The following TPD52L2 variants were observed in gnomAD, a reference collection of about 807,000 sequenced individuals.
TPD52L2 encodes tumor protein D54.
In TPD52L2, 19 loss-of-function variants were observed where a neutral mutation model predicts 24.7. The ratio of observed to expected loss-of-function variants is 0.77; its 90% confidence interval spans 0.54 to 1.13. The LOEUF is 1.13. Among genes scored for constraint, TPD52L2 ranks in the 50% most tolerant of loss-of-function variants. The pLI is 0.00. For missense variants in TPD52L2, 236 were observed against 250.4 expected (o/e 0.94, Z 0.39); for synonymous variants, 104 against 100.2 (o/e 1.04, Z -0.23).
intron 1 of TPD52L2, among the ~76,000 whole-genome samples, chr20:63,866,139 T>C (rs2052221079): frequency 6.6e-6 from 1 of 152,232 alleles, no homozygotes; most frequent in Admixed American, 6.5e-5. Flanking sequence ...GGAGTCTTGC[T>C]CTGACGCCAG....
In TPD52L2 at chr20:63,865,365, C is replaced by A. The variant is rs1005878261; in HGVS notation, c.-1C>A. The stretch of plus-strand genomic sequence containing the variant: ...GACAGCGGTCCGGACGCCGCCCGAA[C>A]ATGGACTCCGCCGGCCAAGGTACCT... On this transcript the variant is annotated 5_prime_UTR_variant, in exon 1 of 7. Coordinates refer to ENST00000346249, the MANE Select transcript of TPD52L2 (RefSeq NM_003288.4). 2.6e-6 allele frequency: 4 copies of A among 1,529,840 alleles called. No homozygotes were observed. The highest frequency in any genetic ancestry group is 2.0e-5 in the Admixed American group (1 of 50,330). The allele number at this position is 1,529,840 out of a possible 1,614,324, so 94.8% of individuals were successfully genotyped here.
chr20:63,888,815 T>C (rs2053226258), intron 5 of TPD52L2: 1 of 279,708 alleles, frequency 3.6e-6, no homozygotes, highest in East Asian at 6.8e-5. Context: ...GGGGTGTCCC[T>C]GTAGGGGACA....
chr20:63,873,578 G>A, intron 2 of TPD52L2, 90 bp from the exon 3 acceptor site: 1 of 1,445,476 alleles, frequency 6.9e-7, no homozygotes, highest in Non-Finnish European at 9.3e-7. Flanking sequence ...TAAGCGGAAA[G>A]TTCTTGTGTA....
intron 5 of TPD52L2, among the ~76,000 whole-genome samples, chr20:63,883,459 T>TAC: frequency 6.6e-6 from 1 of 152,320 alleles, no homozygotes. Context: ...AGCCTGGGTA[T>TAC]GATGCTTGGC....
intron 1 of TPD52L2, among the ~76,000 whole-genome samples, chr20:63,866,738 C>A (rs1236507586): frequency 6.9e-6 from 1 of 144,932 alleles, no homozygotes; most frequent in Admixed American, 6.9e-5. Flanking sequence ...GGATTACAGG[C>A]GTGAGCCACC....
chr20:63,886,728 T>C (rs557108631), intron 5 of TPD52L2, among the ~76,000 whole-genome samples: 2 of 150,836 alleles, frequency 1.3e-5, no homozygotes, highest in Admixed American at 6.6e-5. Flanking sequence ...CACTGCAACC[T>C]CCAGCTCCCT....
In TPD52L2 at chr20:63,887,717, C is replaced by T. The variant is rs186832187; in HGVS notation, c.477-1473C>T. 4.4e-6 allele frequency: 5 copies of T among 1,128,576 alleles called. No individual in the cohort carries two copies. The African/African-American group carries it at 4.6e-5, about 10-fold the overall frequency. 69.9% of individuals were successfully genotyped at this position (1,128,576 alleles called of 1,614,324 possible). On this transcript the variant is annotated intron_variant, in intron 5 of 6. Coordinates refer to ENST00000346249, the MANE Select transcript of TPD52L2 (RefSeq NM_003288.4). Reference sequence around the variant, plus strand: ...CCCATATTCCTGGATTAATTGAGGACTCCATTCCCTTGGCAACCTCTGATG... The same window carrying T: ...CCCATATTCCTGGATTAATTGAGGATTCCATTCCCTTGGCAACCTCTGATG...
At chr20:63,886,131 A>G (rs2053085983) in intron 5 of TPD52L2, 1 of 1,308,848 alleles carries the variant, frequency 7.6e-7, no homozygotes, top group Non-Finnish European at 1.1e-6. Context: ...CGGCTGTGCT[A>G]GTAGAGGGCA....
chr20:63,888,026 C>G (rs970481960), intron 5 of TPD52L2: 14 of 215,332 alleles, frequency 6.5e-5, no homozygotes, highest in African/African-American at 9.4e-5. Context: ...CAGGCACCAC[C>G]CTGATTCTCA....
intron 2 of TPD52L2, among the ~76,000 whole-genome samples, chr20:63,869,959 C>G (rs560768657): frequency 1.3e-5 from 2 of 152,172 alleles, no homozygotes; most frequent in Admixed American, 1.3e-4. Context: ...ACAGTGAGAC[C>G]TTGTCTCTAC....
Position 63,886,075 on chromosome 20 carries a change from CTT to C in TPD52L2, c.477-3112_477-3111del, listed in dbSNP as rs753696914. The C allele has an allele frequency of 6.2e-6, 10 of 1,612,146 alleles. No individual in the cohort carries two copies. In the Admixed American group the frequency reaches 8.3e-5, roughly 13 times the overall value. On this transcript the variant is annotated intron_variant, in intron 5 of 6. Coordinates refer to ENST00000346249, the MANE Select transcript of TPD52L2 (RefSeq NM_003288.4). ...TGAGCCTGGACACACCTGTGGAAGA[CTT>C]TTCTCTGAATTGGGGCAGGGTGGAC...
At chr20:63,888,981 T>A (rs1263157076) in intron 5 of TPD52L2, 1 of 610,850 alleles carries the variant, frequency 1.6e-6, no homozygotes, top group African/African-American at 1.8e-5. Context: ...CGTCTGGACC[T>A]GTCCCTGTGG....
intron 4 of TPD52L2, among the ~76,000 whole-genome samples, chr20:63,878,234 G>A (rs1053658855): frequency 2.0e-5 from 3 of 152,274 alleles, no homozygotes; most frequent in Admixed American, 6.5e-5. Flanking sequence ...GAACGTGGCC[G>A]GTGGGTGGAG....
At chr20:63,871,659 T>C (rs1338013484) in intron 2 of TPD52L2, among the ~76,000 whole-genome samples, 1 of 137,366 alleles carries the variant, frequency 7.3e-6, no homozygotes. Flanking sequence ...TTTTTGAGAC[T>C]TTTTGCTCTT....
intron 1 of TPD52L2, 61 bp from the exon 2 acceptor site, chr20:63,869,235 T>C (rs2052370443): frequency 1.2e-6 from 2 of 1,601,318 alleles, no homozygotes; most frequent in African/African-American, 1.3e-5. Context: ...TAGAGACCTC[T>C]ACCGTATTTA....
chr20:63,876,603 G>T (rs1256509937), intron 4 of TPD52L2: 1 of 364,310 alleles, frequency 2.7e-6, no homozygotes, highest in Non-Finnish European at 5.5e-6. Context: ...TTTTTCATCT[G>T]TTATTTAGAA....
chr20:63,880,850 T>C (rs1293368190), intron 4 of TPD52L2, among the ~76,000 whole-genome samples: 2 of 149,290 alleles, frequency 1.3e-5, no homozygotes, highest in Non-Finnish European at 3.0e-5. Context: ...GAGATGGTGC[T>C]GCTGCACTCC....
intron 5 of TPD52L2, chr20:63,887,324 A>C: frequency 6.4e-6 from 4 of 626,356 alleles, no homozygotes; most frequent in Non-Finnish European, 5.7e-6. Context: ...TTCCTATGGC[A>C]GTGCTCTCCC....
rs965126258 is a variant in TPD52L2 at position 63,875,150 on chromosome 20, A to T, written c.315-666A>T. On this transcript the variant is annotated intron_variant, in intron 3 of 6. Transcript: ENST00000346249. The stretch of plus-strand genomic sequence containing the variant: ...GAGCAAGACTCTGTCTCAAAAAAAA[A>T]AAATATATATATATATATATTTATA... Among the ~76,000 whole-genome samples, 228 of 144,454 alleles carry T rather than the reference A, an allele frequency of 1.6e-3. 1 individual carries two copies. The highest frequency in any genetic ancestry group is 5.0e-3 in the Admixed American group (69 of 13,904). 94.8% of individuals were successfully genotyped at this position (144,454 alleles called of 152,430 possible).
Sources: allele counts gnomAD v4.1 joint callset (sites outside exome capture counted in the v4.1 genomes callset), GRCh38; gene constraint gnomAD v4.1.1; transcripts MANE v1.5; gene names NCBI Gene and HGNC (gene_info 2026-07-23, HGNC 2026-07-21).